The following NLGN1 variants were observed in gnomAD, a reference collection of about 807,000 sequenced individuals.
NLGN1 encodes the protein neuroligin 1, also known as neuroligin-1.
Under a neutral mutation model 65.5 loss-of-function variants are expected in NLGN1, and 12 were observed. That is an observed-to-expected ratio of 0.18 (90% confidence interval 0.12 to 0.30). The LOEUF (loss-of-function observed/expected upper bound fraction) is 0.30, where lower values mean the gene tolerates loss of function less well. Ranked by LOEUF, NLGN1 falls within the 10% of genes least tolerant of loss-of-function variation. The pLI is 1.00. For missense variants in NLGN1, 750 were observed against 1,007.1 expected (o/e 0.74, Z 3.46); for synonymous variants, 350 against 359.5 (o/e 0.97, Z 0.30).
chr3:173,520,532 G>A (rs1354874640), intron 2 of NLGN1, among the ~76,000 whole-genome samples: 2 of 152,174 alleles, frequency 1.3e-5, no homozygotes, highest in Admixed American at 1.3e-4. Context: ...GTCTTCAAAA[G>A]CACACAGCTG....
At chr3:173,602,586 A>T (rs1750721838) in intron 2 of NLGN1, among the ~76,000 whole-genome samples, 2 of 152,064 alleles carry the variant, frequency 1.3e-5, no homozygotes, top group Non-Finnish European at 2.9e-5. Flanking sequence ...AAGGAGTGTT[A>T]TTTTGTTAAT....
At chr3:174,052,038 T>G (rs1735012004) in intron 4 of NLGN1, among the ~76,000 whole-genome samples, 1 of 152,110 alleles carries the variant, frequency 6.6e-6, no homozygotes, top group Non-Finnish European at 1.5e-5. Flanking sequence ...GTTTTAACAC[T>G]TAGTTCAAGG....
intron 4 of NLGN1, among the ~76,000 whole-genome samples, chr3:173,860,006 G>A (rs1217537063): frequency 2.0e-5 from 3 of 151,750 alleles, no homozygotes; most frequent in Non-Finnish European, 4.4e-5. Flanking sequence ...CTTTTTAAAA[G>A]TCAACTTTTA....
chr3:174,242,864 G>A (rs1743149703), intron 4 of NLGN1, among the ~76,000 whole-genome samples: 1 of 151,806 alleles, frequency 6.6e-6, no homozygotes, highest in Non-Finnish European at 1.5e-5. Context: ...AAAAATGTTG[G>A]CGACCAGTGC....
intron 4 of NLGN1, among the ~76,000 whole-genome samples, chr3:173,841,427 G>A (rs560615538): frequency 9.8e-5 from 15 of 152,302 alleles, no homozygotes; most frequent in Non-Finnish European, 1.9e-4. Flanking sequence ...TGGAACAGGA[G>A]GAGGTTGTTA....
At chr3:173,830,019 G>GGGC (rs58524463) in intron 4 of NLGN1, among the ~76,000 whole-genome samples, 1 of 140,980 alleles carries the variant, frequency 7.1e-6, no homozygotes. Flanking sequence ...GGGGGGGGAG[G>GGGC]GAGAGAATAA....
At chr3:173,961,130 A>G (rs903139151) in intron 4 of NLGN1, among the ~76,000 whole-genome samples, 11 of 152,084 alleles carry the variant, frequency 7.2e-5, no homozygotes, top group African/African-American at 2.7e-4. Flanking sequence ...GCTATTTCCT[A>G]TGTATACTTT....
chr3:174,211,605 A>G (rs1254106888), intron 4 of NLGN1, among the ~76,000 whole-genome samples: 1 of 151,770 alleles, frequency 6.6e-6, no homozygotes, highest in Admixed American at 6.6e-5. Context: ...CAGAGCAGCT[A>G]GATACAGAGT....
chr3:173,679,481 A>G (rs560237314), intron 3 of NLGN1, among the ~76,000 whole-genome samples: 44 of 152,210 alleles, frequency 2.9e-4, no homozygotes, highest in African/African-American at 9.9e-4. Flanking sequence ...GGGAGGGGAT[A>G]AAAAAGACTG....
chr3:174,181,961 A>G, intron 4 of NLGN1, among the ~76,000 whole-genome samples: 1 of 132,266 alleles, frequency 7.6e-6, no homozygotes, highest in Non-Finnish European at 1.6e-5. Flanking sequence ...TGGGCAACAG[A>G]TTGAGACTTG....
intron 4 of NLGN1, among the ~76,000 whole-genome samples, chr3:173,923,966 T>G (rs901410684): frequency 8.5e-5 from 13 of 152,130 alleles, no homozygotes; most frequent in Admixed American, 8.5e-4. Context: ...TTACTTTATG[T>G]GAATTTTCTC....
At chr3:173,911,383 A>T (rs1739559986) in intron 4 of NLGN1, among the ~76,000 whole-genome samples, 1 of 152,218 alleles carries the variant, frequency 6.6e-6, no homozygotes, top group Non-Finnish European at 1.5e-5. Flanking sequence ...TGAGAATGCA[A>T]AAATACTCCT....
At chr3:173,409,290 C>T (rs1023789462) in intron 1 of NLGN1, among the ~76,000 whole-genome samples, 1 of 152,086 alleles carries the variant, frequency 6.6e-6, no homozygotes, top group Admixed American at 6.5e-5. Context: ...AAATGTGTAT[C>T]TATCTACCTC....
At chr3:174,069,059 G>C (rs995394959) in intron 4 of NLGN1, among the ~76,000 whole-genome samples, 2 of 152,124 alleles carry the variant, frequency 1.3e-5, no homozygotes, top group African/African-American at 4.8e-5. Context: ...GAGTTTCAAA[G>C]GCAGGGGTCA....
chr3:173,986,242 G>A (rs951184696), intron 4 of NLGN1, among the ~76,000 whole-genome samples: 1 of 152,130 alleles, frequency 6.6e-6, no homozygotes, highest in Non-Finnish European at 1.5e-5. Context: ...GCCAAGGTGG[G>A]CGGATCACGA....
At chr3:174,087,421 C>T (rs1743632812) in intron 4 of NLGN1, among the ~76,000 whole-genome samples, 2 of 152,090 alleles carry the variant, frequency 1.3e-5, no homozygotes, top group African/African-American at 4.8e-5. Flanking sequence ...CCAATGCATG[C>T]GTATTCTGCT....
intron 4 of NLGN1, among the ~76,000 whole-genome samples, chr3:174,158,282 A>G (rs1473456625): frequency 1.3e-5 from 2 of 151,816 alleles, no homozygotes; most frequent in African/African-American, 4.8e-5. Flanking sequence ...GTAAAGTAAT[A>G]CATTTAATAT....
chr3:173,830,325 A>G (rs998562110), intron 4 of NLGN1, among the ~76,000 whole-genome samples: 2 of 152,310 alleles, frequency 1.3e-5, no homozygotes, highest in Non-Finnish European at 1.5e-5. Flanking sequence ...GAAGATTGCC[A>G]TAGTTGAATC....
At chr3:173,760,062 C>G (rs781168852) in intron 3 of NLGN1, among the ~76,000 whole-genome samples, 27 of 152,016 alleles carry the variant, frequency 1.8e-4, no homozygotes, top group Non-Finnish European at 3.4e-4. Context: ...ATACTGTGCT[C>G]TATTTCTGAA....
Sources: gnomAD v4.1 joint callset for allele counts (sites outside exome capture counted in the v4.1 genomes callset) on GRCh38, gnomAD v4.1.1 for gene constraint, MANE v1.5 for transcripts, NCBI Gene and HGNC (gene_info 2026-07-23, HGNC 2026-07-21) for gene names.